Variants in SYNJ2 observed in about 807,000 individuals in gnomAD.
SYNJ2 encodes synaptojanin 2, also known as polyphosphatidylinositol phosphatase SYNJ2.
In SYNJ2, 116 loss-of-function variants were observed where a neutral mutation model predicts 141.3. That is an observed-to-expected ratio of 0.82 (90% CI 0.71 to 0.96). SYNJ2 has a LOEUF of 0.96. SYNJ2 is among the 40% of genes least tolerant of loss of function. The pLI is 0.00. For synonymous variants in SYNJ2, 745 were observed against 777.7 expected (o/e 0.96, Z 0.70); for missense variants, 1,873 against 1,934.8 (o/e 0.97, Z 0.60).
chr6:158,024,561 A>T lies in SYNJ2; in HGVS notation c.215-4195A>T, dbSNP rs182025891. ...ACCACACTCTTAAAGAGGACAGCCA[A>T]AAAAAATTATTTGGCAGTGTTTTAT... is the stretch of plus-strand genomic sequence containing the variant. On this transcript the variant is annotated intron_variant, in intron 2 of 26. Transcript: ENST00000355585. Among the ~76,000 whole-genome samples the T allele has an allele frequency of 2.1e-3, 317 of 152,314 alleles. 3 individuals are homozygous for T. The highest frequency in any genetic ancestry group is 3.4e-3 in the Non-Finnish European group (234 of 68,026).
intron 2 of SYNJ2, among the ~76,000 whole-genome samples, chr6:158,018,960 G>A (rs1431029894): frequency 1.3e-5 from 2 of 152,256 alleles, no homozygotes; most frequent in Non-Finnish European, 2.9e-5. Flanking sequence ...GGTGATGACC[G>A]TGAGGATGGT....
Position 158,074,590 on chromosome 6 carries a change from T to C in SYNJ2, c.2144T>C (p.Val715Ala). 1.9e-6 allele frequency: 3 copies of C among 1,611,800 alleles called. No homozygotes were observed. The highest frequency in any genetic ancestry group is 1.1e-5 in the South Asian group (1 of 90,174). Residue 715 changes from valine to alanine, a missense_variant, in exon 16 of 27, where the codon GTT becomes GCT. By Grantham distance (64) the Val-to-Ala change is moderately conservative. Transcript: ENST00000355585. ...QKLCFPMGRN[V>A]FSHDYVFWCG... ...TTCTTTTCAACTTAGGGGAGAAATG[T>C]TTTTTCTCATGATTATGTATTTTGG...
chr6:157,985,773 G>A (rs7770805), intron 1 of SYNJ2, among the ~76,000 whole-genome samples: 1 of 152,006 alleles, frequency 6.6e-6, no homozygotes, highest in Non-Finnish European at 1.5e-5. Context: ...GAGTGAAGTC[G>A]TGCCTCCTGC....
At chr6:158,076,287 T>C (rs545238289) in intron 16 of SYNJ2, among the ~76,000 whole-genome samples, 21 of 152,258 alleles carry the variant, frequency 1.4e-4, no homozygotes, top group African/African-American at 4.8e-4. Context: ...GGGCCAGACA[T>C]GGCACCAGGC....
chr6:157,991,077 A>C (rs1362333988), intron 1 of SYNJ2, among the ~76,000 whole-genome samples: 1 of 152,244 alleles, frequency 6.6e-6, no homozygotes, highest in Non-Finnish European at 1.5e-5. Flanking sequence ...GTGCCACGCC[A>C]GGAGAGGCTT....
At chr6:158,007,393 G>A (rs1290662139) in intron 1 of SYNJ2, among the ~76,000 whole-genome samples, 1 of 152,164 alleles carries the variant, frequency 6.6e-6, no homozygotes, top group African/African-American at 2.4e-5. Flanking sequence ...ACAGAGCCAC[G>A]GCATGTCTGG....
intron 3 of SYNJ2, 117 bp from the exon 4 acceptor site, chr6:158,033,338 G>A (rs1293208690): frequency 4.6e-6 from 5 of 1,095,678 alleles, no homozygotes; most frequent in East Asian, 5.2e-5. Flanking sequence ...GCATGCATTC[G>A]CTGACCCGAA....
chr6:158,087,419 C>T (rs535893116), intron 23 of SYNJ2, among the ~76,000 whole-genome samples: 1 of 152,332 alleles, frequency 6.6e-6, no homozygotes, highest in South Asian at 2.1e-4. Context: ...CCTCTGCGCT[C>T]CGAGGCCTCC....
chr6:157,996,134 A>G (rs1313528913), intron 1 of SYNJ2, among the ~76,000 whole-genome samples: 3 of 152,118 alleles, frequency 2.0e-5, no homozygotes, highest in African/African-American at 4.8e-5. Context: ...CCTACATCCA[A>G]ACTTATTCTT....
intron 2 of SYNJ2, among the ~76,000 whole-genome samples, chr6:158,021,725 G>A (rs60377927): frequency 0.017 from 2,643 of 152,340 alleles, 69 homozygotes; most frequent in African/African-American, 0.061. Flanking sequence ...GGATTCCCTG[G>A]AGGGGAGTTT....
rs1407913160 is a variant in SYNJ2, at chr6:158,097,579, C to T, written c.*1215C>T. ...TACCGCCTGTTGTATCTGGGAGCCT[C>T]GTACAGAGGCTCGCACAGCAGTGAT... On this transcript the variant is annotated 3_prime_UTR_variant, in exon 27 of 27. Transcript: ENST00000355585. 1 of 152,184 alleles carries T rather than the reference C, an allele frequency of 6.6e-6. No homozygotes were observed. Among genetic ancestry groups the T allele is most frequent in the Non-Finnish European group, 1.5e-5 (1 of 68,030 alleles). The allele number at this position is 152,184 out of a possible 1,614,324, so 9.4% of individuals were successfully genotyped here. A position where few individuals can be genotyped will look rare whatever the true frequency, so the allele number is the denominator to read the frequency against.
Position 158,033,447 on chromosome 6 carries a change from T to C in SYNJ2, c.486-8T>C. The C allele has an allele frequency of 6.2e-7, 1 of 1,613,440 alleles. No individual in the cohort carries two copies. Among genetic ancestry groups the C allele is most frequent in the African/African-American group, 1.3e-5 (1 of 75,058 alleles). ...TGACTGGAATTGGTGTGGGACTGTG[T>C]TTTGCAGGAACCAGCTGTTGCACGT... On this transcript the variant is annotated splice_polypyrimidine_tract_variant and splice_region_variant and intron_variant, in intron 3 of 26. Transcript: ENST00000355585.
At position 158,069,657 on chromosome 6, in the gene SYNJ2, C is replaced by T. The variant is rs2128372904; in HGVS notation, c.1924C>T (p.His642Tyr). The stretch of plus-strand genomic sequence containing the variant: ...TCTTTATATCTTTGTACGTCCATAC[C>T]ATGTCCCGTTCATCAGGTAAGAACA... ...VCLYIFVRPY[H>Y]VPFIRDVAID... Residue 642 changes from histidine to tyrosine, a missense_variant, in exon 14 of 27, where the codon CAT becomes TAT. Coordinates refer to ENST00000355585, the MANE Select transcript of SYNJ2 (RefSeq NM_003898.4). The T allele has an allele frequency of 1.2e-6, 2 of 1,613,048 alleles. No homozygotes were observed. Among genetic ancestry groups the T allele is most frequent in the African/African-American group, 1.3e-5 (1 of 75,012 alleles).
At chr6:157,987,774 A>G (rs557825145) in intron 1 of SYNJ2, among the ~76,000 whole-genome samples, 5 of 152,348 alleles carry the variant, frequency 3.3e-5, no homozygotes, top group Admixed American at 1.3e-4. Context: ...ATTATTAACT[A>G]TAGTTACCAT....
intron 16 of SYNJ2, among the ~76,000 whole-genome samples, chr6:158,075,938 C>T (rs1276599423): frequency 3.3e-5 from 5 of 152,194 alleles, no homozygotes; most frequent in Non-Finnish European, 7.3e-5. Flanking sequence ...GAAGGATGTG[C>T]ATGGGGGCTC....
chr6:158,023,938 T>C (rs1422038466), intron 2 of SYNJ2, among the ~76,000 whole-genome samples: 1 of 152,188 alleles, frequency 6.6e-6, no homozygotes, highest in Admixed American at 6.5e-5. Flanking sequence ...AAGAATCGAG[T>C]GACATTTCTA....
At chr6:158,000,433 T>C (rs1380079694) in intron 1 of SYNJ2, among the ~76,000 whole-genome samples, 2 of 152,220 alleles carry the variant, frequency 1.3e-5, no homozygotes, top group East Asian at 3.9e-4. Flanking sequence ...GTCCTGGTGT[T>C]CAGAGGCTCC....
In SYNJ2 at chr6:158,004,932, C is replaced by T. The variant is rs543606783; in HGVS notation, c.128-12272C>T. ...TTGATCCTTCGGAGGACCTTCGCCCCCTCTCCTCCAGTGAGTGACCCCACC... is the reference window on the plus strand; with the variant it reads ...TTGATCCTTCGGAGGACCTTCGCCCTCTCTCCTCCAGTGAGTGACCCCACC... On this transcript the variant is annotated intron_variant, in intron 1 of 26. Transcript: ENST00000355585. Among the ~76,000 whole-genome samples the T allele has an allele frequency of 4.2e-4, 64 of 152,168 alleles. 1 individual carries two copies. Among genetic ancestry groups the T allele is most frequent in the South Asian group, 4.2e-4 (2 of 4,804 alleles).
At chr6:158,052,724 C>T (rs950386266) in intron 5 of SYNJ2, among the ~76,000 whole-genome samples, 7 of 152,234 alleles carry the variant, frequency 4.6e-5, no homozygotes, top group Non-Finnish European at 2.9e-5. Flanking sequence ...GGCCCCACCT[C>T]CAACACTGGA....
Sources: gnomAD v4.1 joint callset for allele counts (sites outside exome capture counted in the v4.1 genomes callset) on GRCh38, gnomAD v4.1.1 for gene constraint, MANE v1.5 for transcripts, NCBI Gene and HGNC (gene_info 2026-07-23, HGNC 2026-07-21) for gene names.